The following SESN3 variants were observed in gnomAD, a reference collection of about 807,000 sequenced individuals.
The protein encoded by SESN3 is sestrin-3.
SESN3 carries 21 observed loss-of-function variants against 55.3 expected under a neutral mutation model. The ratio of observed to expected loss-of-function variants is 0.38; its 90% CI spans 0.27 to 0.55. SESN3 has a LOEUF of 0.55. Ranked by LOEUF, SESN3 falls within the 20% of genes least tolerant of loss-of-function variation. The pLI, the probability that SESN3 is intolerant of heterozygous loss-of-function variation, is 0.76. For synonymous variants in SESN3, 181 were observed against 203.1 expected (o/e 0.89, Z 0.93); for missense variants, 408 against 604.3 (o/e 0.68, Z 3.41).
chr11:95,228,512 TTTAAC>T (rs766082441), intron 1 of SESN3, among the ~76,000 whole-genome samples: 1 of 152,314 alleles, frequency 6.6e-6, no homozygotes, highest in African/African-American at 2.4e-5. Flanking sequence ...ATAGATGACT[TTTAAC>T]TTAGAGTTAT....
rs951973105 is a variant in SESN3, at chr11:95,171,537, G to A, written c.*1718C>T. 2 of 152,050 alleles carry A rather than the reference G, an allele frequency of 1.3e-5. No homozygotes were observed. The highest frequency in any genetic ancestry group is 2.9e-5 in the Non-Finnish European group (2 of 67,966). 9.4% of individuals were successfully genotyped at this position (152,050 alleles called of 1,614,324 possible). A position where few individuals can be genotyped will look rare whatever the true frequency, so the allele number is the denominator to read the frequency against. On this transcript the variant is annotated 3_prime_UTR_variant, in exon 10 of 10. Coordinates refer to ENST00000536441, the MANE Select transcript of SESN3 (RefSeq NM_144665.4). Reference sequence around the variant, plus strand: ...ATTGTACCAGAGGAGGATGATAAATGGAAGAGGAAAATGATTTCATGAAAC... The same window carrying A: ...ATTGTACCAGAGGAGGATGATAAATAGAAGAGGAAAATGATTTCATGAAAC...
At chr11:95,222,119 C>T (rs1167636521) in intron 1 of SESN3, among the ~76,000 whole-genome samples, 1 of 152,092 alleles carries the variant, frequency 6.6e-6, no homozygotes, top group African/African-American at 2.4e-5. Flanking sequence ...AACAGCCATC[C>T]CTTATAAAAC....
Position 95,188,880 on chromosome 11 carries a change from T to C in SESN3, c.525+899A>G, listed in dbSNP as rs1183921806. The stretch of plus-strand genomic sequence containing the variant: ...TAAGACATGACATTAAAAACAATGA[T>C]TAATTCCCCTATCTAGCTAACATAT... On this transcript the variant is annotated intron_variant, in intron 4 of 9. Transcript: ENST00000536441. Among the ~76,000 whole-genome samples, 29 of 151,902 alleles carry C rather than the reference T, an allele frequency of 1.9e-4. 1 individual carries two copies. In the Admixed American group the frequency reaches 1.9e-3, roughly 10 times the overall value.
chr11:95,195,729 A>C (rs567197845), intron 1 of SESN3, among the ~76,000 whole-genome samples: 1 of 152,298 alleles, frequency 6.6e-6, no homozygotes, highest in South Asian at 2.1e-4. Flanking sequence ...TGTTTACGAT[A>C]GTTTCTTTAG....
At chr11:95,213,841 A>G (rs1163404458) in intron 1 of SESN3, among the ~76,000 whole-genome samples, 1 of 152,156 alleles carries the variant, frequency 6.6e-6, no homozygotes. Context: ...CTAGTTCTCT[A>G]TCAATCTGAA....
intron 1 of SESN3, among the ~76,000 whole-genome samples, chr11:95,202,686 TGAG>T (rs1438977131): frequency 6.6e-6 from 1 of 151,968 alleles, no homozygotes; most frequent in Non-Finnish European, 1.5e-5. Flanking sequence ...CACAAGAAAA[TGAG>T]GAGAGAACTA....
chr11:95,224,794 T>C (rs1478810409), intron 1 of SESN3, among the ~76,000 whole-genome samples: 1 of 152,198 alleles, frequency 6.6e-6, no homozygotes, highest in Non-Finnish European at 1.5e-5. Flanking sequence ...ATACTACTCA[T>C]TTATAAGATA....
At chr11:95,190,326 C>G (rs1860243510) in intron 3 of SESN3, among the ~76,000 whole-genome samples, 1 of 151,900 alleles carries the variant, frequency 6.6e-6, no homozygotes, top group South Asian at 2.1e-4. Context: ...TACATTCTAA[C>G]AACTCAGGAT....
At chr11:95,184,013 TG>T in intron 6 of SESN3, 1 of 208,818 alleles carries the variant, frequency 4.8e-6, no homozygotes, top group Non-Finnish European at 9.4e-6. Context: ...AGCAGCAGTG[TG>T]AGAATAATCT....
chr11:95,219,352 T>C (rs567391666), intron 1 of SESN3, among the ~76,000 whole-genome samples: 1 of 152,314 alleles, frequency 6.6e-6, no homozygotes, highest in African/African-American at 2.4e-5. Context: ...CTGGAGCACA[T>C]TTGCTGGACT....
chr11:95,224,221 T>C (rs1032446499), intron 1 of SESN3, among the ~76,000 whole-genome samples: 2 of 152,302 alleles, frequency 1.3e-5, no homozygotes, highest in African/African-American at 2.4e-5. Context: ...ACTCAACAAG[T>C]ATTCTTCTTA....
intron 1 of SESN3, among the ~76,000 whole-genome samples, chr11:95,211,026 A>G (rs1242739372): frequency 1.3e-5 from 2 of 152,236 alleles, no homozygotes; most frequent in African/African-American, 4.8e-5. Context: ...ATCAAGAGAA[A>G]TGATAAGATG....
At position 95,165,585 on chromosome 11, in the gene SESN3, CTAA is replaced by C. The variant is rs1305056510; in HGVS notation, c.*7667_*7669del. ...TTTTATTGAACCAATAAAATTCCTA[CTAA>C]TAACAATGAAATAAATTTCTGCAAG... On this transcript the variant is annotated 3_prime_UTR_variant, in exon 10 of 10. Coordinates refer to ENST00000536441, the MANE Select transcript of SESN3 (RefSeq NM_144665.4). 6.6e-6 allele frequency: 1 copy of C among 152,102 alleles called. No homozygotes were observed. The allele number at this position is 152,102 out of a possible 1,614,324, so 9.4% of individuals were successfully genotyped here. A position where few individuals can be genotyped will look rare whatever the true frequency, so the allele number is the denominator to read the frequency against.
intron 8 of SESN3, 106 bp from the exon 9 acceptor site, chr11:95,175,748 GTTAA>G: frequency 2.2e-6 from 2 of 904,204 alleles, no homozygotes; most frequent in South Asian, 1.7e-5. Context: ...CTAAAAGCTC[GTTAA>G]TTAATTGAAT....
chr11:95,178,037 A>C, intron 7 of SESN3, 128 bp from the exon 8 acceptor site: 1 of 649,458 alleles, frequency 1.5e-6, no homozygotes, highest in Non-Finnish European at 2.6e-6. Flanking sequence ...TTTCAGCTTT[A>C]CTAAGGCTTT....
intron 1 of SESN3, among the ~76,000 whole-genome samples, chr11:95,221,271 T>C (rs1860853605): frequency 6.6e-6 from 1 of 151,732 alleles, no homozygotes; most frequent in Non-Finnish European, 1.5e-5. Flanking sequence ...GCCACTGCAC[T>C]CCAGCCTGGG....
chr11:95,183,289 G>A (rs756283358), intron 6 of SESN3, among the ~76,000 whole-genome samples: 4 of 151,948 alleles, frequency 2.6e-5, no homozygotes, highest in Non-Finnish European at 4.4e-5. Context: ...AATCTTCAAT[G>A]GATTAAATTA....
chr11:95,207,070 C>A (rs553873614), intron 1 of SESN3, among the ~76,000 whole-genome samples: 1 of 152,134 alleles, frequency 6.6e-6, no homozygotes. Flanking sequence ...TGAACCACCA[C>A]GCGCGGCCAA....
At chr11:95,216,943 T>G (rs777581008) in intron 1 of SESN3, among the ~76,000 whole-genome samples, 3 of 151,572 alleles carry the variant, frequency 2.0e-5, no homozygotes, top group Non-Finnish European at 2.9e-5. Flanking sequence ...CTGTCTCTAC[T>G]AAAAATACAA....
Sources: allele counts gnomAD v4.1 joint callset (sites outside exome capture counted in the v4.1 genomes callset), GRCh38; gene constraint gnomAD v4.1.1; transcripts MANE v1.5; gene names NCBI Gene and HGNC (gene_info 2026-07-23, HGNC 2026-07-21).